Variants in NREP observed in about 807,000 individuals in gnomAD.
NREP encodes neuronal regeneration related protein, also known as neuronal regeneration-related protein.
NREP carries 5 observed loss-of-function variants against 8.6 expected under a neutral mutation model. The observed-to-expected ratio is 0.58, with a 90% CI of 0.30 to 1.22. The LOEUF is 1.22. Among genes scored for constraint, NREP ranks in the 50% most tolerant of loss-of-function variants. The pLI is 0.07. For synonymous variants in NREP, 27 were observed against 28.0 expected (o/e 0.96, Z 0.11); for missense variants, 86 against 82.5 (o/e 1.04, Z -0.17).
intron 2 of NREP, among the ~76,000 whole-genome samples, chr5:111,781,915 G>T (rs1287118481): frequency 6.8e-6 from 1 of 146,530 alleles, no homozygotes; most frequent in Non-Finnish European, 1.5e-5. Flanking sequence ...TTGACACACT[G>T]ATTCAGCTAT....
At chr5:111,783,104 A>T (rs1443802860) in intron 2 of NREP, among the ~76,000 whole-genome samples, 1 of 152,066 alleles carries the variant, frequency 6.6e-6, no homozygotes, top group Non-Finnish European at 1.5e-5. Context: ...TCATTGTTCC[A>T]CAGTATCAGA....
chr5:111,914,677 A>G (rs1755004984), intron 2 of NREP, among the ~76,000 whole-genome samples: 1 of 152,088 alleles, frequency 6.6e-6, no homozygotes, highest in Admixed American at 6.6e-5. Flanking sequence ...CAGAAAGTAA[A>G]GTAGCCTTAC....
At chr5:111,963,099 T>C (rs558659436) in intron 2 of NREP, among the ~76,000 whole-genome samples, 1 of 152,334 alleles carries the variant, frequency 6.6e-6, no homozygotes, top group South Asian at 2.1e-4. Flanking sequence ...ACTGAGTGGA[T>C]AACACATGGC....
chr5:111,788,973 C>T (rs1751677156), intron 2 of NREP, among the ~76,000 whole-genome samples: 1 of 152,188 alleles, frequency 6.6e-6, no homozygotes, highest in Non-Finnish European at 1.5e-5. Context: ...CAGCTCTTCC[C>T]GCCTGACATG....
At chr5:111,942,428 T>C (rs376172017) in intron 2 of NREP, among the ~76,000 whole-genome samples, 2 of 152,020 alleles carry the variant, frequency 1.3e-5, no homozygotes, top group African/African-American at 4.8e-5. Flanking sequence ...AAATAGGCGC[T>C]TTTGCTCTTC....
intron 2 of NREP, among the ~76,000 whole-genome samples, chr5:111,954,348 T>C (rs1213614170): frequency 6.6e-6 from 1 of 152,148 alleles, no homozygotes; most frequent in African/African-American, 2.4e-5. Flanking sequence ...CAATGGCTAA[T>C]AATTATGTTA....
intron 2 of NREP, among the ~76,000 whole-genome samples, chr5:111,854,054 C>T (rs192071093): frequency 3.8e-4 from 58 of 152,292 alleles, no homozygotes; most frequent in Admixed American, 1.3e-3. Context: ...TCTGGGGAGG[C>T]TGCACAAGCT....
chr5:111,750,952 A>G (rs1750322970), intron 2 of NREP, among the ~76,000 whole-genome samples: 1 of 152,216 alleles, frequency 6.6e-6, no homozygotes, highest in African/African-American at 2.4e-5. Flanking sequence ...ATAATGGAAA[A>G]TAATTTTCTG....
At chr5:111,941,010 A>G (rs1261299700) in intron 2 of NREP, among the ~76,000 whole-genome samples, 3 of 152,058 alleles carry the variant, frequency 2.0e-5, no homozygotes, top group African/African-American at 7.2e-5. Flanking sequence ...TATAAAACAC[A>G]TTTCTTTTTT....
chr5:111,967,326 C>T (rs572520125), intron 2 of NREP, among the ~76,000 whole-genome samples: 2 of 152,266 alleles, frequency 1.3e-5, no homozygotes, highest in Non-Finnish European at 2.9e-5. Flanking sequence ...TCGCCATAAT[C>T]AAAATGTAAA....
At chr5:111,845,032 G>C (rs986957153) in intron 2 of NREP, among the ~76,000 whole-genome samples, 2 of 152,136 alleles carry the variant, frequency 1.3e-5, no homozygotes, top group African/African-American at 4.8e-5. Context: ...GGCCAGCCTA[G>C]TGCTGGGGTG....
intron 2 of NREP, among the ~76,000 whole-genome samples, chr5:111,842,148 A>G (rs1402056924): frequency 2.6e-5 from 4 of 152,120 alleles, no homozygotes; most frequent in Non-Finnish European, 1.5e-5. Flanking sequence ...GCACCTACCA[A>G]CACCTAGACT....
At chr5:111,800,955 A>G (rs1398275730) in intron 2 of NREP, among the ~76,000 whole-genome samples, 2 of 152,166 alleles carry the variant, frequency 1.3e-5, no homozygotes, top group Non-Finnish European at 2.9e-5. Flanking sequence ...TGGAGTGACC[A>G]TCTGTGTTAG....
At chr5:111,889,009 T>G (rs921290959) in intron 2 of NREP, among the ~76,000 whole-genome samples, 3 of 152,208 alleles carry the variant, frequency 2.0e-5, no homozygotes, top group Non-Finnish European at 4.4e-5. Flanking sequence ...CAATCACTCA[T>G]AAAATGCATG....
chr5:111,972,373 T>C (rs1756844735), intron 2 of NREP, among the ~76,000 whole-genome samples: 1 of 152,224 alleles, frequency 6.6e-6, no homozygotes, highest in Admixed American at 6.5e-5. Flanking sequence ...AGAACTATCA[T>C]ATTTCTACGT....
At chr5:111,881,430 C>T (rs539132667) in intron 2 of NREP, among the ~76,000 whole-genome samples, 1 of 152,304 alleles carries the variant, frequency 6.6e-6, no homozygotes, top group South Asian at 2.1e-4. Context: ...ACAGCAGTAA[C>T]CTCTGCAGAC....
At chr5:111,960,838 CAGTT>C (rs1192549071) in intron 2 of NREP, among the ~76,000 whole-genome samples, 3 of 152,022 alleles carry the variant, frequency 2.0e-5, no homozygotes, top group African/African-American at 4.8e-5. Flanking sequence ...AAATGTTAAG[CAGTT>C]AGGTATTTAT....
chr5:111,841,140 C>G (rs1283575957), intron 2 of NREP, among the ~76,000 whole-genome samples: 1 of 152,124 alleles, frequency 6.6e-6, no homozygotes, highest in Non-Finnish European at 1.5e-5. Flanking sequence ...TACAAGGGTG[C>G]ATTATCAAGT....
intron 2 of NREP, among the ~76,000 whole-genome samples, chr5:111,805,127 G>T (rs1258927833): frequency 6.6e-6 from 1 of 152,044 alleles, no homozygotes; most frequent in African/African-American, 2.4e-5. Flanking sequence ...CTGATGATAA[G>T]GTAAATAAAG....
Sources: gnomAD v4.1 joint callset for allele counts (sites outside exome capture counted in the v4.1 genomes callset) on GRCh38, gnomAD v4.1.1 for gene constraint, MANE v1.5 for transcripts, NCBI Gene and HGNC (gene_info 2026-07-23, HGNC 2026-07-21) for gene names.